The following EGF variants were observed in gnomAD, a reference collection of about 807,000 sequenced individuals.
EGF encodes epidermal growth factor, also known as pro-epidermal growth factor.
In EGF, 95 loss-of-function variants were observed where a neutral mutation model predicts 143.8. That is an observed-to-expected ratio of 0.66 (90% confidence interval 0.56 to 0.78). The LOEUF (loss-of-function observed/expected upper bound fraction) is 0.78. Among genes scored for constraint, EGF ranks in the 30% least tolerant of loss-of-function variants. The probability of loss-of-function intolerance (pLI) is 0.00; values close to 1 mark genes in which losing one functional copy is unlikely to be tolerated. For missense variants in EGF, 1,320 were observed against 1,470.9 expected (o/e 0.90, Z 1.68); for synonymous variants, 510 against 510.5 (o/e 1.00, Z 0.01).
chr4:109,936,578 T>C (rs1740846121), intron 1 of EGF, among the ~76,000 whole-genome samples: 1 of 152,012 alleles, frequency 6.6e-6, no homozygotes, highest in African/African-American at 2.4e-5. Context: ...TTTCTTGTCT[T>C]CTAACTTTTG....
In EGF at chr4:110,001,937, G is replaced by T. The variant is rs954498433; in HGVS notation, c.3173+2091G>T. On this transcript the variant is annotated intron_variant, in intron 21 of 23. Coordinates refer to ENST00000265171, the MANE Select transcript of EGF (RefSeq NM_001963.6). ...GATCAGTGTACCTGCTTACCTCTCCGCAAAGTTTCAGCTATGTGCATAACT... is the reference window on the plus strand; with the variant it reads ...GATCAGTGTACCTGCTTACCTCTCCTCAAAGTTTCAGCTATGTGCATAACT... 4.1e-6 allele frequency: 4 copies of T among 985,252 alleles called. No homozygotes were observed. In the Middle Eastern group the frequency reaches 1.6e-3, roughly 386 times the overall value. 61.0% of individuals were successfully genotyped at this position (985,252 alleles called of 1,614,324 possible).
chr4:109,997,870 AT>A (rs1283378491), intron 20 of EGF, among the ~76,000 whole-genome samples: 2 of 152,216 alleles, frequency 1.3e-5, no homozygotes, highest in Non-Finnish European at 2.9e-5. Flanking sequence ...CCATAAAAAA[AT>A]AAAATAAAAT....
chr4:110,001,805 T>A, intron 21 of EGF: 1 of 985,454 alleles, frequency 1.0e-6, no homozygotes, highest in Non-Finnish European at 1.2e-6. Context: ...GACTATTCCT[T>A]CAAAAAGAAA....
chr4:109,945,338 G>GC lies in EGF; in HGVS notation c.940+65dup, dbSNP rs1179863871. On this transcript the variant is annotated intron_variant, in intron 5 of 23. Transcript: ENST00000265171. ...AGTTCCCACCCATTCACCTGCTTGA[G>GC]CCAGACAATGAGGCGTTGTAGGGGA... 1.4e-4 allele frequency: 214 copies of GC among 1,549,874 alleles called. 1 individual carries two copies. In the East Asian group the frequency reaches 4.8e-3, roughly 35 times the overall value.
At chr4:109,983,370 T>G (rs1482967072) in intron 15 of EGF, 52 bp from the exon 16 acceptor site, 1 of 1,597,910 alleles carries the variant, frequency 6.3e-7, no homozygotes. Context: ...AATCAAACTT[T>G]TTTTTTGAAA....
chr4:109,938,296 C>T (rs959277388), intron 1 of EGF, among the ~76,000 whole-genome samples: 2 of 152,096 alleles, frequency 1.3e-5, no homozygotes, highest in African/African-American at 4.8e-5. Flanking sequence ...TTCTTCCGCT[C>T]GATTGAATTG....
intron 1 of EGF, among the ~76,000 whole-genome samples, chr4:109,920,485 A>G (rs959038060): frequency 6.6e-6 from 1 of 151,610 alleles, no homozygotes; most frequent in Non-Finnish European, 1.5e-5. Context: ...AGGAGAAGAG[A>G]GGCAGGCCCT....
At chr4:109,980,196 A>C in intron 14 of EGF, 57 bp downstream of exon 14, 1 of 1,494,638 alleles carries the variant, frequency 6.7e-7, no homozygotes, top group Non-Finnish European at 9.0e-7. Context: ...AACTGTTTTA[A>C]TTGTTTGATG....
rs190892375 is a variant in EGF, at chr4:109,969,221, G to A, written c.1724+102G>A. ...ACTTTGAACACAGAAAAATGTTGCT[G>A]GGCATTTGGTTGGGATTGGAGAAAA... is the stretch of plus-strand genomic sequence containing the variant. On this transcript the variant is annotated intron_variant, in intron 11 of 23. Transcript: ENST00000265171. 1.0e-5 allele frequency: 16 copies of A among 1,532,636 alleles called. 1 individual carries two copies. The Admixed American group carries it at 2.4e-4, about 23-fold the overall frequency. The allele number at this position is 1,532,636 out of a possible 1,614,324, so 94.9% of individuals were successfully genotyped here.
chr4:109,946,380 A>G (rs571656234), intron 5 of EGF, among the ~76,000 whole-genome samples: 1 of 152,216 alleles, frequency 6.6e-6, no homozygotes, highest in Non-Finnish European at 1.5e-5. Flanking sequence ...ACTAAAATTT[A>G]GTGCAAGTCT....
At chr4:109,918,161 G>A (rs559788293) in intron 1 of EGF, among the ~76,000 whole-genome samples, 2 of 151,976 alleles carry the variant, frequency 1.3e-5, no homozygotes, top group African/African-American at 4.8e-5. Context: ...ACCCTCCTTG[G>A]AAGATAGTTT....
intron 18 of EGF, 150 bp from the exon 19 acceptor site, chr4:109,993,097 A>C (rs1199502167): frequency 7.1e-6 from 5 of 707,864 alleles, no homozygotes; most frequent in Non-Finnish European, 9.5e-6. Context: ...TAAGTATAAT[A>C]AAAAATATAT....
chr4:109,990,746 T>G (rs144881812), intron 18 of EGF, among the ~76,000 whole-genome samples: 1 of 152,284 alleles, frequency 6.6e-6, no homozygotes, highest in East Asian at 1.9e-4. Context: ...CTCACTGTGT[T>G]CTCATATGGC....
intron 11 of EGF, among the ~76,000 whole-genome samples, chr4:109,969,685 T>C (rs1262224150): frequency 6.6e-6 from 1 of 152,112 alleles, no homozygotes; most frequent in Admixed American, 6.6e-5. Context: ...ATATAAGCAA[T>C]AAGCATTCTC....
chr4:109,972,983 C>A (rs1163272723), intron 11 of EGF, among the ~76,000 whole-genome samples: 1 of 152,132 alleles, frequency 6.6e-6, no homozygotes, highest in Non-Finnish European at 1.5e-5. Context: ...AGGTGAGAGG[C>A]CTTTAACAGA....
Position 109,941,547 on chromosome 4 carries a change from G to A in EGF, c.327+402G>A, listed in dbSNP as rs11568891. ...GAAACATTTTTGGTTGTCACAAGTA[G>A]GTGAGGTAGGAAGGTGGAGACGATA... On this transcript the variant is annotated intron_variant, in intron 2 of 23. Coordinates refer to ENST00000265171, the MANE Select transcript of EGF (RefSeq NM_001963.6). Among the ~76,000 whole-genome samples, 369 of 152,288 alleles carry A rather than the reference G, an allele frequency of 2.4e-3. 3 individuals are homozygous for A. Among genetic ancestry groups the A allele is most frequent in the African/African-American group, 8.3e-3 (345 of 41,556 alleles).
In EGF at chr4:110,008,136, T is replaced by C; in HGVS notation, c.3292-16T>C. On this transcript the variant is annotated splice_polypyrimidine_tract_variant and intron_variant, in intron 22 of 23. Coordinates refer to ENST00000265171, the MANE Select transcript of EGF (RefSeq NM_001963.6). ...TTTTAACAATATCCTCTCTCCCTCC[T>C]TTTTGTTGTCTGCAGTTTGTGGTTA... The C allele has an allele frequency of 6.2e-7, 1 of 1,610,858 alleles. No individual in the cohort carries two copies. The highest frequency in any genetic ancestry group is 8.5e-7 in the Non-Finnish European group (1 of 1,177,046).
chr4:109,987,558 C>A (rs574510395), intron 16 of EGF, among the ~76,000 whole-genome samples, 186 bp from the exon 17 acceptor site: 30 of 152,276 alleles, frequency 2.0e-4, no homozygotes, highest in African/African-American at 7.0e-4. Flanking sequence ...ACCACTGCAC[C>A]CAGCCAGCTA....
intron 1 of EGF, 72 bp from the exon 2 acceptor site, chr4:109,940,874 A>C: frequency 7.0e-7 from 1 of 1,423,844 alleles, no homozygotes; most frequent in South Asian, 1.2e-5. Flanking sequence ...GTTGGTTGTC[A>C]TTGGGAAGTA....
Sources: allele counts gnomAD v4.1 joint callset (sites outside exome capture counted in the v4.1 genomes callset), GRCh38; gene constraint gnomAD v4.1.1; transcripts MANE v1.5; gene names NCBI Gene and HGNC (gene_info 2026-07-23, HGNC 2026-07-21).